DYM: variants seen among roughly 807,000 people sequenced by gnomAD.
DYM encodes dyggve-Melchior-Clausen syndrome protein.
In DYM, 78 loss-of-function variants were observed where a neutral mutation model predicts 93.1. The observed-to-expected ratio is 0.84, with a 90% CI of 0.70 to 1.01. The LOEUF (loss-of-function observed/expected upper bound fraction) is 1.01, where lower values mean the gene tolerates loss of function less well. Among genes scored for constraint, DYM ranks in the 50% least tolerant of loss-of-function variants. DYM has a pLI of 0.00. For synonymous variants in DYM, 321 were observed against 319.7 expected (o/e 1.00, Z -0.04); for missense variants, 789 against 845.0 (o/e 0.93, Z 0.82).
chr18:49,288,380 G>C (rs181685413), intron 8 of DYM, among the ~76,000 whole-genome samples: 94 of 152,280 alleles, frequency 6.2e-4, no homozygotes, highest in South Asian at 2.5e-3. Flanking sequence ...ACCTAAAATA[G>C]AGATGATCTT....
At chr18:49,193,884 T>C (rs1284906433) in intron 14 of DYM, among the ~76,000 whole-genome samples, 1 of 152,228 alleles carries the variant, frequency 6.6e-6, no homozygotes, top group Non-Finnish European at 1.5e-5. Flanking sequence ...ATAAATGTTA[T>C]TTCCATTCTG....
At chr18:49,120,687 T>C (rs1193735669) in intron 15 of DYM, among the ~76,000 whole-genome samples, 4 of 152,220 alleles carry the variant, frequency 2.6e-5, no homozygotes, top group African/African-American at 4.8e-5. Flanking sequence ...TCAGGTAAAG[T>C]AGACTTCAGA....
chr18:49,356,100 T>G (rs1238457838), intron 6 of DYM, among the ~76,000 whole-genome samples: 2 of 152,092 alleles, frequency 1.3e-5, no homozygotes, highest in Non-Finnish European at 2.9e-5. Flanking sequence ...GGATTATGTC[T>G]GAAAAGAAAT....
intron 14 of DYM, among the ~76,000 whole-genome samples, chr18:49,185,966 G>C (rs16950415): frequency 0.01 from 1,530 of 152,104 alleles, 42 homozygotes; most frequent in South Asian, 0.075. Context: ...AGTTTTTAAA[G>C]GATTATTACG....
intron 14 of DYM, among the ~76,000 whole-genome samples, chr18:49,189,914 G>T (rs55658710): frequency 6.6e-5 from 10 of 152,098 alleles, no homozygotes; most frequent in Admixed American, 5.9e-4. Flanking sequence ...CTTAGTGCCA[G>T]GCACCAAAAT....
chr18:49,147,340 A>G, intron 15 of DYM, among the ~76,000 whole-genome samples: 1 of 151,726 alleles, frequency 6.6e-6, no homozygotes, highest in Non-Finnish European at 1.5e-5. Context: ...GCCAAAATTG[A>G]CAAATGGGAT....
At chr18:49,348,984 G>A (rs2064877575) in intron 6 of DYM, among the ~76,000 whole-genome samples, 1 of 150,632 alleles carries the variant, frequency 6.6e-6, no homozygotes, top group Admixed American at 6.6e-5. Flanking sequence ...GAAGTGGGCA[G>A]ATGACTTGAG....
At chr18:49,322,082 A>G (rs1450059068) in intron 8 of DYM, among the ~76,000 whole-genome samples, 44 of 152,192 alleles carry the variant, frequency 2.9e-4, no homozygotes, top group Admixed American at 2.7e-3. Flanking sequence ...AAAAACAGAA[A>G]TTAGGAATAT....
chr18:49,178,030 T>G (rs1444115685), intron 14 of DYM, among the ~76,000 whole-genome samples: 1 of 152,126 alleles, frequency 6.6e-6, no homozygotes, highest in East Asian at 1.9e-4. Context: ...AGTAGCTCCC[T>G]TTCCAACCTC....
chr18:49,096,374 CCTA>C (rs1305949070), intron 17 of DYM, among the ~76,000 whole-genome samples: 1 of 152,098 alleles, frequency 6.6e-6, no homozygotes, highest in Non-Finnish European at 1.5e-5. Context: ...ATTTTTATAT[CCTA>C]CAACAATATC....
At chr18:49,068,929 C>T (rs765933832) in intron 17 of DYM, among the ~76,000 whole-genome samples, 3 of 152,176 alleles carry the variant, frequency 2.0e-5, no homozygotes, top group Admixed American at 6.5e-5. Context: ...AATACAAACA[C>T]TGGAACCAGG....
intron 8 of DYM, among the ~76,000 whole-genome samples, chr18:49,299,859 C>T (rs983370654): frequency 7.3e-5 from 11 of 151,464 alleles, no homozygotes; most frequent in Admixed American, 6.6e-4. Context: ...CTGGCTAACA[C>T]GGTGAAACCC....
At chr18:49,197,573 A>G (rs996012933) in intron 14 of DYM, among the ~76,000 whole-genome samples, 4 of 152,192 alleles carry the variant, frequency 2.6e-5, no homozygotes, top group African/African-American at 9.6e-5. Flanking sequence ...AAGTTAGAAG[A>G]ACAATTTTTA....
intron 4 of DYM, among the ~76,000 whole-genome samples, chr18:49,379,282 G>T (rs928265510): frequency 2.0e-5 from 3 of 151,988 alleles, no homozygotes; most frequent in African/African-American, 7.2e-5. Context: ...TTCCATTGAT[G>T]TAAAGAATAT....
intron 14 of DYM, among the ~76,000 whole-genome samples, chr18:49,166,694 T>G (rs1471652510): frequency 6.6e-6 from 1 of 152,146 alleles, no homozygotes; most frequent in Non-Finnish European, 1.5e-5. Flanking sequence ...CGCTTCTAAT[T>G]AGTTGCAGTA....
chr18:49,091,811 C>T (rs2079074045), intron 17 of DYM, among the ~76,000 whole-genome samples: 1 of 152,154 alleles, frequency 6.6e-6, no homozygotes, highest in East Asian at 1.9e-4. Context: ...ATCTCGGTTT[C>T]ATCACATTGG....
rs576362187 is a variant in DYM, at chr18:49,163,459, C to T, written c.1728+226G>A. Among the ~76,000 whole-genome samples the T allele has an allele frequency of 2.0e-5, 3 of 152,278 alleles. No homozygotes were observed. The East Asian group carries it at 5.8e-4, about 29-fold the overall frequency. ...CTCCCGGATTCAAGTGATTCTCCTG[C>T]CTCGGCCTCCCAAATAGCTGGGACT... On this transcript the variant is annotated intron_variant, in intron 15 of 17. Coordinates refer to ENST00000675505, the MANE Select transcript of DYM (RefSeq NM_001353214.3).
At chr18:49,447,051 A>G (rs1400362592) in intron 1 of DYM, among the ~76,000 whole-genome samples, 1 of 144,102 alleles carries the variant, frequency 6.9e-6, no homozygotes, top group African/African-American at 2.6e-5. Context: ...ACAGAGGAAG[A>G]CTCCATCACA....
chr18:49,449,733 T>C (rs1231768858), intron 1 of DYM, among the ~76,000 whole-genome samples: 1 of 152,194 alleles, frequency 6.6e-6, no homozygotes, highest in African/African-American at 2.4e-5. Context: ...TAAAAAAGAA[T>C]TTGTGAGGTT....
Sources: allele counts gnomAD v4.1 joint callset (sites outside exome capture counted in the v4.1 genomes callset), GRCh38; gene constraint gnomAD v4.1.1; transcripts MANE v1.5; gene names NCBI Gene and HGNC (gene_info 2026-07-23, HGNC 2026-07-21).